Variants in PLD1 observed in about 807,000 individuals in gnomAD.
The protein encoded by PLD1 is choline phosphatase 1.
Under a neutral mutation model 137.1 loss-of-function variants are expected in PLD1, and 112 were observed. That is an observed-to-expected ratio of 0.82 (90% confidence interval 0.70 to 0.96). The LOEUF is 0.96. Among genes scored for constraint, PLD1 ranks in the 40% least tolerant of loss-of-function variants. The probability of loss-of-function intolerance (pLI) is 0.00; values close to 1 mark genes in which losing one functional copy is unlikely to be tolerated. For missense variants in PLD1, 1,321 were observed against 1,342.0 expected, an observed-to-expected ratio of 0.98 and a Z score of 0.24; for synonymous variants, 431 against 454.7, an observed-to-expected ratio of 0.95 and a Z score of 0.66.
At chr3:171,619,904 C>CA (rs1417471996) in intron 24 of PLD1, among the ~76,000 whole-genome samples, 1 of 150,864 alleles carries the variant, frequency 6.6e-6, no homozygotes, top group Non-Finnish European at 1.5e-5. Context: ...ACCCCCATCT[C>CA]AAAAATAGTT....
intron 13 of PLD1, among the ~76,000 whole-genome samples, chr3:171,689,435 G>A (rs901066381): frequency 6.6e-6 from 1 of 151,928 alleles, no homozygotes; most frequent in African/African-American, 2.4e-5. Context: ...TTTACCTTTA[G>A]GTAAAAAGAT....
chr3:171,612,498 C>T lies in PLD1; in HGVS notation c.2729-66G>A, dbSNP rs972760348. 1 of 1,433,966 alleles carries T rather than the reference C, an allele frequency of 7.0e-7. No homozygotes were observed. The highest frequency in any genetic ancestry group is 9.8e-7 in the Non-Finnish European group (1 of 1,022,318). 88.8% of individuals were successfully genotyped at this position (1,433,966 alleles called of 1,614,324 possible). The stretch of plus-strand genomic sequence containing the variant: ...TGGCAGACACTGTTGGTTGCCCTCC[C>T]AACTCAATTCATCCTTGCAAACAAA... On this transcript the variant is annotated intron_variant, in intron 24 of 26. Coordinates refer to ENST00000351298, the MANE Select transcript of PLD1 (RefSeq NM_002662.5). The surrounding 1 kb of genome is among the most constrained non-coding windows in gnomAD (Gnocchi z 4.1).
At chr3:171,682,156 GAAAGAAAGAA>G (rs11278598) in intron 16 of PLD1, among the ~76,000 whole-genome samples, 10,354 of 63,736 alleles carry the variant, frequency 0.16, 688 homozygotes, top group African/African-American at 0.22. Context: ...AAGAAAGAAA[GAAAGAAAGAA>G]AAAGAAAGAA....
intron 12 of PLD1, among the ~76,000 whole-genome samples, chr3:171,699,347 A>G (rs1395837636): frequency 6.6e-6 from 1 of 152,204 alleles, no homozygotes; most frequent in Non-Finnish European, 1.5e-5. Context: ...CATTAGCCCC[A>G]TCTAGCTGAA....
chr3:171,703,887 A>G (rs1223109932), intron 11 of PLD1, among the ~76,000 whole-genome samples: 2 of 152,216 alleles, frequency 1.3e-5, no homozygotes, highest in Admixed American at 6.5e-5. Context: ...CAAAGTTACT[A>G]AAACCTCTGA....
intron 21 of PLD1, chr3:171,654,177 C>A (rs1397835825): frequency 2.4e-5 from 8 of 335,520 alleles, no homozygotes; most frequent in Admixed American, 1.1e-4. Flanking sequence ...GTGGCGGGTG[C>A]CTGTAATCCC....
intron 13 of PLD1, among the ~76,000 whole-genome samples, chr3:171,689,887 G>A (rs1362838470): frequency 1.3e-5 from 2 of 152,164 alleles, no homozygotes; most frequent in Non-Finnish European, 2.9e-5. Context: ...ATTTTTAAGT[G>A]TACAATTCAG....
At chr3:171,741,514 A>C (rs1335290295) in intron 1 of PLD1, among the ~76,000 whole-genome samples, 1 of 152,238 alleles carries the variant, frequency 6.6e-6, no homozygotes, top group African/African-American at 2.4e-5. Context: ...CAATGGGATA[A>C]GGGCTTCAGT....
intron 19 of PLD1, among the ~76,000 whole-genome samples, chr3:171,668,357 T>C (rs3774036): frequency 0.41 from 62,260 of 152,032 alleles, 13,030 homozygotes; most frequent in Non-Finnish European, 0.43. Flanking sequence ...CTGCTCACTT[T>C]ATTTTTCACC....
At chr3:171,727,328 C>A (rs535354744) in intron 6 of PLD1, among the ~76,000 whole-genome samples, 1 of 152,210 alleles carries the variant, frequency 6.6e-6, no homozygotes, top group South Asian at 2.1e-4. Context: ...CCCTCAAAAC[C>A]AAGCTGGAAG....
intron 11 of PLD1, among the ~76,000 whole-genome samples, chr3:171,706,669 A>T (rs1716720061): frequency 6.6e-6 from 1 of 152,218 alleles, no homozygotes; most frequent in Admixed American, 6.5e-5. Context: ...ACTCTCTCAG[A>T]TCTACGCATA....
chr3:171,605,312 G>A lies in PLD1; in HGVS notation c.2987C>T (p.Thr996Ile), dbSNP rs781035142. The change falls in exon 26 of 27, where the codon ACA becomes ATA. Residue 996 changes from threonine (T) to isoleucine (I), a missense_variant. Coordinates refer to ENST00000351298, the MANE Select transcript of PLD1 (RefSeq NM_002662.5). The part of the protein sequence containing the change: ...VWVSTAARNA[T>I]IYDKVFRCLP... ...CGTGAACTTCACCTTGTCATAAATT[G>A]TAGCATTTCGAGCTGCTGTTGAAAC... 1.3e-6 allele frequency: 2 copies of A among 1,594,676 alleles called. No individual in the cohort carries two copies. Among genetic ancestry groups the A allele is most frequent in the South Asian group, 1.1e-5 (1 of 90,704 alleles).
chr3:171,681,382 T>C (rs1025774284), intron 16 of PLD1, among the ~76,000 whole-genome samples: 1 of 152,218 alleles, frequency 6.6e-6, no homozygotes, highest in African/African-American at 2.4e-5. Context: ...GGATTTTGTA[T>C]GAGAGATTAT....
chr3:171,789,603 A>T (rs1723143155), intron 1 of PLD1: 1 of 152,274 alleles, frequency 6.6e-6, no homozygotes, highest in Non-Finnish European at 1.5e-5. Flanking sequence ...AAACTTGGAC[A>T]TCTTTCCATT....
intron 1 of PLD1, among the ~76,000 whole-genome samples, chr3:171,756,021 C>T (rs1721003794): frequency 6.6e-6 from 1 of 152,234 alleles, no homozygotes; most frequent in Non-Finnish European, 1.5e-5. Context: ...TCTTTCCTAA[C>T]TCTCTATATC....
chr3:171,781,862 A>G (rs1381638842), intron 1 of PLD1, among the ~76,000 whole-genome samples: 1 of 152,210 alleles, frequency 6.6e-6, no homozygotes, highest in Non-Finnish European at 1.5e-5. Context: ...CTATCCTATG[A>G]CCCAGTTATT....
chr3:171,609,857 G>A (rs772248203), intron 25 of PLD1, among the ~76,000 whole-genome samples: 3 of 151,954 alleles, frequency 2.0e-5, no homozygotes, highest in Non-Finnish European at 4.4e-5. Flanking sequence ...CCTACACAAT[G>A]TATCCAGGTA....
rs752667445 is a variant in PLD1 at position 171,699,819 on chromosome 3, G to A, written c.1153C>T (p.Pro385Ser). 6.2e-7 allele frequency: 1 copy of A among 1,612,824 alleles called. No individual in the cohort carries two copies. Among genetic ancestry groups the A allele is most frequent in the South Asian group, 1.1e-5 (1 of 91,018 alleles). ...ACTGGGCGTTTCAGGAAGATTTCTG[G>A]ACTCAGCCTGAAACAATGAAACCAA... ...EIFITDWWLS[P>S]EIFLKRPVVE... The change falls in exon 12 of 27, where the codon CCA (proline) becomes TCA (serine). Residue 385 changes from proline to serine, a missense_variant. By Grantham distance (74) the Pro-to-Ser change is moderately conservative. Transcript: ENST00000351298.
chr3:171,625,062 A>T lies in PLD1; in HGVS notation c.2594-4542T>A, dbSNP rs539545097. The stretch of plus-strand genomic sequence containing the variant: ...TCAAAAAAATAATCAAGAGAGATTT[A>T]AAAAAAAAACAAAACCCTGAGAGTT... On this transcript the variant is annotated intron_variant, in intron 23 of 26. Coordinates refer to ENST00000351298, the MANE Select transcript of PLD1 (RefSeq NM_002662.5). Among the ~76,000 whole-genome samples, 176 of 138,230 alleles carry T rather than the reference A, an allele frequency of 1.3e-3. 2 individuals carry two copies. Among genetic ancestry groups the T allele is most frequent in the African/African-American group, 5.1e-3 (162 of 31,834 alleles). 90.7% of individuals were successfully genotyped at this position (138,230 alleles called of 152,430 possible).
Sources: allele counts gnomAD v4.1 joint callset (sites outside exome capture counted in the v4.1 genomes callset), GRCh38; gene constraint gnomAD v4.1.1; non-coding constraint Gnocchi (gnomAD v3.1); transcripts MANE v1.5; gene names NCBI Gene and HGNC (gene_info 2026-07-23, HGNC 2026-07-21).